The following SPATA6 variants were observed in gnomAD, a reference collection of about 807,000 sequenced individuals.
SPATA6 encodes the protein spermatogenesis associated 6.
In SPATA6, 56 loss-of-function variants were observed where a neutral mutation model predicts 65.3. The ratio of observed to expected loss-of-function variants is 0.86; its 90% confidence interval spans 0.69 to 1.07. SPATA6 has a LOEUF of 1.07. Ranked by LOEUF, SPATA6 falls within the 50% of genes least tolerant of loss-of-function variation. SPATA6 has a pLI of 0.00. For missense variants in SPATA6, 590 were observed against 594.8 expected (o/e 0.99, Z 0.08); for synonymous variants, 199 against 213.2 (o/e 0.93, Z 0.58).
chr1:48,285,513 C>T, the SPATA6 span, among the ~76,000 whole-genome samples: 57 of 149,912 alleles, frequency 3.8e-4, 1 homozygote, highest in African/African-American at 1.3e-3. Flanking sequence ...GCAGCTAGCT[C>T]GGTGTCTGCC....
intron 9 of SPATA6, among the ~76,000 whole-genome samples, chr1:48,369,723 A>G (rs2090080): frequency 0.82 from 125,060 of 152,176 alleles, 51,746 homozygotes; most frequent in Middle Eastern, 0.91. Context: ...GACCCCTTGC[A>G]CTTCCCGAGT....
intron 7 of SPATA6, among the ~76,000 whole-genome samples, chr1:48,396,664 G>A (rs997655771): frequency 3.3e-5 from 5 of 151,578 alleles, no homozygotes; most frequent in Non-Finnish European, 5.9e-5. Context: ...CAAGCCAATC[G>A]AAATAGGACA....
chr1:48,434,716 C>G (rs1042863592), intron 3 of SPATA6, among the ~76,000 whole-genome samples: 13 of 151,644 alleles, frequency 8.6e-5, no homozygotes, highest in African/African-American at 3.1e-4. Flanking sequence ...GTGTGTGTGT[C>G]TGTAGATGAA....
intron 11 of SPATA6, among the ~76,000 whole-genome samples, chr1:48,317,552 A>T (rs889211897): frequency 2.0e-5 from 3 of 152,304 alleles, no homozygotes; most frequent in Admixed American, 2.0e-4. Context: ...GGGGAGGGAT[A>T]GCATTAGGAG....
At chr1:48,399,781 C>T in intron 6 of SPATA6, 137 bp from the exon 7 acceptor site, 2 of 729,224 alleles carry the variant, frequency 2.7e-6, no homozygotes, top group South Asian at 2.1e-5. Flanking sequence ...CCTATCTGTG[C>T]TGATCCTGGG....
At chr1:48,299,824 T>A (rs1196163808) in intron 12 of SPATA6, among the ~76,000 whole-genome samples, 1 of 152,184 alleles carries the variant, frequency 6.6e-6, no homozygotes, top group Non-Finnish European at 1.5e-5. Context: ...ACTGCTCAGC[T>A]AGTAAGTGGC....
At chr1:48,324,052 C>T (rs187591527) in intron 11 of SPATA6, among the ~76,000 whole-genome samples, 209 of 152,192 alleles carry the variant, frequency 1.4e-3, no homozygotes, top group Non-Finnish European at 2.5e-3. Flanking sequence ...AGGGCTCAAG[C>T]AATTCTCCCA....
the SPATA6 span, among the ~76,000 whole-genome samples, chr1:48,267,752 GTTTTTTTTT>G: frequency 2.8e-5 from 2 of 72,676 alleles, no homozygotes; most frequent in African/African-American, 5.6e-5. Flanking sequence ...TAGGGTCTGG[GTTTTTTTTT>G]TTTTTTTTTT....
chr1:48,263,534 A>G, the SPATA6 span, among the ~76,000 whole-genome samples: 1 of 152,134 alleles, frequency 6.6e-6, no homozygotes, highest in Non-Finnish European at 1.5e-5. Context: ...CCTTGTTTCC[A>G]TACCTTTATG....
intron 9 of SPATA6, among the ~76,000 whole-genome samples, chr1:48,366,696 A>T (rs1647027524): frequency 6.6e-6 from 1 of 151,666 alleles, no homozygotes; most frequent in South Asian, 2.1e-4. Flanking sequence ...TTTCTTCTTT[A>T]TTAATGTTGC....
intron 11 of SPATA6, among the ~76,000 whole-genome samples, chr1:48,329,590 C>T (rs531709873): frequency 1.6e-4 from 25 of 152,242 alleles, no homozygotes; most frequent in Middle Eastern, 6.8e-3. Context: ...TAAAAGTGGG[C>T]GGGGCCAATA....
At chr1:48,452,642 C>T (rs1280082474) in intron 2 of SPATA6, among the ~76,000 whole-genome samples, 3 of 152,124 alleles carry the variant, frequency 2.0e-5, no homozygotes, top group Admixed American at 1.3e-4. Flanking sequence ...CCTCGGCCTC[C>T]CAAAGTGCTG....
chr1:48,456,535 G>C (rs958231876), intron 1 of SPATA6, among the ~76,000 whole-genome samples: 1 of 151,936 alleles, frequency 6.6e-6, no homozygotes, highest in African/African-American at 2.4e-5. Flanking sequence ...AACTGTCCCT[G>C]AGGAAGCCCA....
chr1:48,416,334 G>GA (rs1652782612), intron 3 of SPATA6, among the ~76,000 whole-genome samples: 1 of 151,326 alleles, frequency 6.6e-6, no homozygotes, highest in East Asian at 1.9e-4. Context: ...AGAGTAGAGT[G>GA]AAATATCCAT....
chr1:48,453,898 A>G (rs1412585232), intron 1 of SPATA6, among the ~76,000 whole-genome samples: 1 of 152,136 alleles, frequency 6.6e-6, no homozygotes, highest in Non-Finnish European at 1.5e-5. Flanking sequence ...AGGAAATTAA[A>G]AAGTAAGAAA....
chr1:48,418,406 T>C (rs941891106), intron 3 of SPATA6, among the ~76,000 whole-genome samples: 1 of 151,878 alleles, frequency 6.6e-6, no homozygotes, highest in East Asian at 1.9e-4. Flanking sequence ...CAATAAAATT[T>C]CATTAGAAAT....
chr1:48,387,480 TGC>T (rs1557651822), intron 8 of SPATA6, among the ~76,000 whole-genome samples: 1 of 152,040 alleles, frequency 6.6e-6, no homozygotes. Context: ...CCAGCTAGGG[TGC>T]CATCACAGAT....
chr1:48,306,261 T>C (rs1199828353), intron 11 of SPATA6, among the ~76,000 whole-genome samples: 2 of 151,920 alleles, frequency 1.3e-5, no homozygotes, highest in Admixed American at 6.6e-5. Flanking sequence ...GAAAATTATG[T>C]AGATACAAGC....
At chr1:48,320,175 G>T (rs535086685) in intron 11 of SPATA6, among the ~76,000 whole-genome samples, 5 of 152,196 alleles carry the variant, frequency 3.3e-5, no homozygotes, top group African/African-American at 4.8e-5. Flanking sequence ...GGTAGAAAAA[G>T]AGATAGGGTA....
Sources: gnomAD v4.1 joint callset for allele counts (sites outside exome capture counted in the v4.1 genomes callset) on GRCh38, gnomAD v4.1.1 for gene constraint, MANE v1.5 for transcripts, NCBI Gene and HGNC (gene_info 2026-07-23, HGNC 2026-07-21) for gene names.